SHROOM3: variants seen among roughly 807,000 people sequenced by gnomAD.
SHROOM3 encodes the protein shroom family member 3.
In SHROOM3, 47 loss-of-function variants were observed where a neutral mutation model predicts 138.6. The observed-to-expected ratio is 0.34, with a 90% CI of 0.27 to 0.43. The LOEUF is 0.43. Among genes scored for constraint, SHROOM3 ranks in the 20% least tolerant of loss-of-function variants. SHROOM3 has a pLI of 1.00. For synonymous variants in SHROOM3, 1,062 were observed against 1,063.3 expected (o/e 1.00, Z 0.02); for missense variants, 2,491 against 2,596.5 (o/e 0.96, Z 0.88).
intron 1 of SHROOM3, among the ~76,000 whole-genome samples, chr4:76,488,692 A>G (rs949399017): frequency 6.6e-6 from 1 of 152,340 alleles, no homozygotes; most frequent in South Asian, 2.1e-4. Context: ...GAAGTGTTCC[A>G]GGAGGCCATA....
chr4:76,529,790 A>G (rs1732794072), intron 1 of SHROOM3, among the ~76,000 whole-genome samples: 1 of 152,194 alleles, frequency 6.6e-6, no homozygotes, highest in South Asian at 2.1e-4. Context: ...CTTCCAGTCC[A>G]GCGAAGATTT....
chr4:76,678,353 G>A (rs1719099091), intron 2 of SHROOM3, among the ~76,000 whole-genome samples: 1 of 152,162 alleles, frequency 6.6e-6, no homozygotes, highest in African/African-American at 2.4e-5. Flanking sequence ...CTGGACCTCA[G>A]TAGGAGTAAA....
At chr4:76,604,985 C>T (rs1734585181) in intron 2 of SHROOM3, among the ~76,000 whole-genome samples, 1 of 152,104 alleles carries the variant, frequency 6.6e-6, no homozygotes. Context: ...GATTGAATTC[C>T]TCAAGGGTCA....
intron 3 of SHROOM3, among the ~76,000 whole-genome samples, 158 bp from the exon 4 acceptor site, chr4:76,730,646 G>A (rs1043545788): frequency 1.3e-5 from 2 of 152,216 alleles, no homozygotes; most frequent in Non-Finnish European, 2.9e-5. Context: ...ATTAGTCAGA[G>A]AAATAAGTAG....
intron 1 of SHROOM3, among the ~76,000 whole-genome samples, chr4:76,477,699 G>C (rs28460415): frequency 1.5e-3 from 222 of 152,308 alleles, no homozygotes; most frequent in African/African-American, 5.1e-3. Context: ...TGGCCGAATA[G>C]GAACAGCTCT....
At position 76,651,452 on chromosome 4, in the gene SHROOM3, T is replaced by C. The variant is rs548923130; in HGVS notation, c.324-58704T>C. On this transcript the variant is annotated intron_variant, in intron 2 of 10. Transcript: ENST00000296043. ...TATATATATATATATATATACCTAC[T>C]ATGTACCCACAAAAAATGAAAGTAA... Among the ~76,000 whole-genome samples, 219 of 90,150 alleles carry C rather than the reference T, an allele frequency of 2.4e-3. 1 individual carries two copies. The highest frequency in any genetic ancestry group is 4.1e-3 in the Non-Finnish European group (167 of 40,420). 59.1% of individuals were successfully genotyped at this position (90,150 alleles called of 152,430 possible). A position where few individuals can be genotyped will look rare whatever the true frequency, so the allele number is the denominator to read the frequency against.
intron 1 of SHROOM3, among the ~76,000 whole-genome samples, chr4:76,546,180 A>G (rs919093046): frequency 3.9e-5 from 6 of 152,234 alleles, no homozygotes; most frequent in African/African-American, 7.2e-5. Context: ...TTTATAGATG[A>G]GAGACCCATC....
intron 2 of SHROOM3, among the ~76,000 whole-genome samples, chr4:76,676,926 G>A (rs1308486078): frequency 4.7e-5 from 6 of 128,758 alleles, no homozygotes; most frequent in Non-Finnish European, 9.3e-5. Context: ...CTGGGCGACA[G>A]AGCGAGACTC....
chr4:76,707,208 A>C (rs1259854995), intron 2 of SHROOM3, among the ~76,000 whole-genome samples: 1 of 152,174 alleles, frequency 6.6e-6, no homozygotes, highest in East Asian at 1.9e-4. Context: ...TGGGTTAGTA[A>C]TTGTAACGCC....
chr4:76,667,032 T>C (rs1718710545), intron 2 of SHROOM3, among the ~76,000 whole-genome samples: 2 of 152,226 alleles, frequency 1.3e-5, no homozygotes, highest in South Asian at 2.1e-4. Flanking sequence ...GTCAAATTCA[T>C]AGAAACAGAA....
intron 2 of SHROOM3, among the ~76,000 whole-genome samples, chr4:76,574,445 T>C (rs1733896927): frequency 6.6e-6 from 1 of 152,148 alleles, no homozygotes; most frequent in Non-Finnish European, 1.5e-5. Context: ...TTCCCCATGA[T>C]TCTGATGCAC....
At position 76,741,374 on chromosome 4, in the gene SHROOM3, C is replaced by T. The variant is rs146601691; in HGVS notation, c.3201C>T (p.Ala1067=). The T allele has an allele frequency of 6.2e-6, 10 of 1,604,296 alleles. No homozygotes were observed. In the African/African-American group the frequency reaches 1.1e-4, roughly 17 times the overall value. Residue 1067 remains alanine (A), a synonymous_variant, in exon 5 of 11, where the codon GCC becomes GCT. Coordinates refer to ENST00000296043, the MANE Select transcript of SHROOM3 (RefSeq NM_020859.4). This position sits in a 1 kb window ranked among gnomAD's most constrained non-coding sequence, Gnocchi z 6.2. ...RRRLFERDGK[A]CSTLSLSGPE... is the part of the protein sequence containing the mutation. Reference sequence around the variant, plus strand: ...GTCTCTTCGAGCGCGATGGCAAGGCCTGCTCCACGCTCAGCCTGTCGGGGC... The same window carrying T: ...GTCTCTTCGAGCGCGATGGCAAGGCTTGCTCCACGCTCAGCCTGTCGGGGC...
At chr4:76,552,902 G>A (rs1733395558) in intron 1 of SHROOM3, among the ~76,000 whole-genome samples, 1 of 152,084 alleles carries the variant, frequency 6.6e-6, no homozygotes, top group Admixed American at 6.6e-5. Flanking sequence ...CCATTGGCAT[G>A]TGACCCAGAT....
Position 76,579,304 on chromosome 4 carries a change from T to C in SHROOM3, c.323+23541T>C, listed in dbSNP as rs188262022. Among the ~76,000 whole-genome samples the C allele has an allele frequency of 9.2e-5, 14 of 151,516 alleles. 1 individual carries two copies. In the East Asian group the frequency reaches 2.5e-3, roughly 28 times the overall value. On this transcript the variant is annotated intron_variant, in intron 2 of 10. Transcript: ENST00000296043. ...TAACACGGTGAAACCCTGTCTCTAC[T>C]AAAAATGCAAAACATTAGCTGGGCG...
chr4:76,626,143 CG>C (rs2110069282), intron 2 of SHROOM3, among the ~76,000 whole-genome samples: 1 of 152,270 alleles, frequency 6.6e-6, no homozygotes, highest in South Asian at 2.1e-4. Context: ...AGAGGAAGCA[CG>C]TACGTAGGGC....
At chr4:76,709,198 C>G (rs1226585949) in intron 2 of SHROOM3, among the ~76,000 whole-genome samples, 2 of 152,246 alleles carry the variant, frequency 1.3e-5, no homozygotes, top group South Asian at 2.1e-4. Flanking sequence ...CCCTTCCCCT[C>G]TCAGCCATGG....
intron 2 of SHROOM3, among the ~76,000 whole-genome samples, chr4:76,610,446 C>T (rs1426045781): frequency 1.8e-4 from 28 of 151,874 alleles, no homozygotes; most frequent in Admixed American, 1.8e-3. Context: ...TATTGAAACA[C>T]CAAAAAAAAG....
At chr4:76,494,249 C>G (rs75612012) in intron 1 of SHROOM3, among the ~76,000 whole-genome samples, 5 of 151,194 alleles carry the variant, frequency 3.3e-5, no homozygotes, top group Admixed American at 6.6e-5. Context: ...AACTTCTGAA[C>G]CTTTTCAGGT....
At chr4:76,491,118 T>G (rs945496689) in intron 1 of SHROOM3, among the ~76,000 whole-genome samples, 2 of 152,130 alleles carry the variant, frequency 1.3e-5, no homozygotes, top group African/African-American at 4.8e-5. Flanking sequence ...ATTAATATGC[T>G]CAATTAGAGT....
Sources: gnomAD v4.1 joint callset for allele counts (sites outside exome capture counted in the v4.1 genomes callset) on GRCh38, gnomAD v4.1.1 for gene constraint, Gnocchi (gnomAD v3.1) non-coding constraint, MANE v1.5 for transcripts, NCBI Gene and HGNC (gene_info 2026-07-23, HGNC 2026-07-21) for gene names.